Variants in TTLL7 observed in about 807,000 individuals in gnomAD.
TTLL7 encodes the protein tubulin polyglutamylase TTLL7.
A neutral mutation model predicts 120.2 loss-of-function variants in TTLL7; 53 were observed. The ratio of observed to expected loss-of-function variants is 0.44; its 90% CI spans 0.35 to 0.55. The LOEUF (loss-of-function observed/expected upper bound fraction) is 0.55. Ranked by LOEUF, TTLL7 falls within the 20% of genes least tolerant of loss-of-function variation. The probability of loss-of-function intolerance (pLI) is 0.00; values close to 1 mark genes in which losing one functional copy is unlikely to be tolerated. For missense variants in TTLL7, 803 were observed against 1,054.7 expected, an observed-to-expected ratio of 0.76 and a Z score of 3.31; for synonymous variants, 353 against 351.7, an observed-to-expected ratio of 1.00 and a Z score of -0.04.
intron 9 of TTLL7, among the ~76,000 whole-genome samples, chr1:83,930,165 T>C (rs1659477379): frequency 6.6e-6 from 1 of 152,138 alleles, no homozygotes; most frequent in Non-Finnish European, 1.5e-5. Context: ...CTTAGTGTCG[T>C]GTTAACCGTT....
chr1:83,991,024 G>T (rs1652945987), intron 1 of TTLL7, among the ~76,000 whole-genome samples: 1 of 152,102 alleles, frequency 6.6e-6, no homozygotes, highest in African/African-American at 2.4e-5. Context: ...TAAAAACTAA[G>T]GAAATTCTGA....
At chr1:83,872,559 T>G (rs1653531246) in intron 20 of TTLL7, among the ~76,000 whole-genome samples, 1 of 152,228 alleles carries the variant, frequency 6.6e-6, no homozygotes, top group Non-Finnish European at 1.5e-5. Context: ...ACATTCTGAT[T>G]GTACTGATAA....
At chr1:83,949,626 A>C in intron 4 of TTLL7, 4 of 424,426 alleles carry the variant, frequency 9.4e-6, no homozygotes, top group Non-Finnish European at 1.6e-5. Flanking sequence ...ACGCCCAACC[A>C]GAAGAGGTTT....
intron 6 of TTLL7, among the ~76,000 whole-genome samples, chr1:83,946,672 GA>G (rs1648537092): frequency 6.6e-6 from 1 of 152,060 alleles, no homozygotes; most frequent in Non-Finnish European, 1.5e-5. Flanking sequence ...GCTACATAAA[GA>G]AAAAACTTAT....
rs1287530515 is a variant in TTLL7, at chr1:83,870,014, G to A, written c.2612C>T (p.Pro871Leu). 1.3e-6 allele frequency: 2 copies of A among 1,588,984 alleles called. No individual in the cohort carries two copies. The highest frequency in any genetic ancestry group is 1.7e-6 in the Non-Finnish European group (2 of 1,170,896). Residue 871 changes from proline to leucine, a missense_variant, in exon 21 of 21, where the codon CCT (proline) becomes CTT (leucine). Physicochemically the swap from Pro to Leu is moderately conservative, Grantham distance 98 (BLOSUM62 -3). Transcript: ENST00000260505. Reference sequence around the variant, plus strand: ...CAAAACATTGGAGCGAGTCATTCCAGGTGAATTGTACTTCAAGTTGTAGGT... The same window carrying A: ...CAAAACATTGGAGCGAGTCATTCCAAGTGAATTGTACTTCAAGTTGTAGGT... ...TPTYNLKYNS[P>L]GMTRSNVLFT...
chr1:83,976,972 T>C (rs1001875683), intron 1 of TTLL7, among the ~76,000 whole-genome samples: 2 of 152,046 alleles, frequency 1.3e-5, no homozygotes, highest in African/African-American at 4.8e-5. Flanking sequence ...CCTATGTTCG[T>C]CTATATTAAG....
rs533960935 is a variant in TTLL7, at chr1:83,903,316, ATT to A, written c.2208+761_2208+762del. ...CTAATTTCTACCTCAGCATCTCTGT[ATT>A]TGTTCTTCCCTCTGCCTGAAACATT... On this transcript the variant is annotated intron_variant, in intron 18 of 20. Transcript: ENST00000260505. Among the ~76,000 whole-genome samples, 454 of 152,078 alleles carry A rather than the reference ATT, an allele frequency of 3.0e-3. 2 individuals carry two copies. The highest frequency in any genetic ancestry group is 5.1e-3 in the Non-Finnish European group (349 of 67,952).
At chr1:83,934,786 T>A (rs1233679628) in intron 8 of TTLL7, among the ~76,000 whole-genome samples, 1 of 152,144 alleles carries the variant, frequency 6.6e-6, no homozygotes, top group Non-Finnish European at 1.5e-5. Context: ...TTGTAACTTG[T>A]TAGCTGTGCA....
chr1:83,885,032 T>C (rs1434902738), intron 19 of TTLL7: 1 of 270,548 alleles, frequency 3.7e-6, no homozygotes, highest in Non-Finnish European at 5.7e-6. Context: ...ACATACGTGT[T>C]TATCAAGATT....
chr1:83,952,717 A>G (rs1453102578), intron 1 of TTLL7, among the ~76,000 whole-genome samples: 1 of 152,234 alleles, frequency 6.6e-6, no homozygotes, highest in Non-Finnish European at 1.5e-5. Flanking sequence ...ATATTATACC[A>G]TTTAATCTTT....
intron 16 of TTLL7, 35 bp from the exon 17 acceptor site, chr1:83,906,498 GTC>G: frequency 1.9e-6 from 3 of 1,609,844 alleles, no homozygotes; most frequent in Non-Finnish European, 2.5e-6. Flanking sequence ...TTTGGAGGGG[GTC>G]TTATTTCATT....
At position 83,907,528 on chromosome 1, in the gene TTLL7, G is replaced by A. The variant is rs199922709; in HGVS notation, c.1920C>T (p.Ser640=). The change falls in exon 16 of 21, where the codon TCC becomes TCT. Residue 640 remains serine (S), a synonymous_variant. Transcript: ENST00000260505. ...TCATGTAGGAGGAAGCACGGTTTAA[G>A]GAATGTGACCGAGATGCAGAAGTTG... ...SRPTSASRSH[S]LNRASSYMRH... is the part of the protein sequence containing the mutation. 6.2e-7 allele frequency: 1 copy of A among 1,613,280 alleles called. No individual in the cohort carries two copies. The highest frequency in any genetic ancestry group is 1.3e-5 in the African/African-American group (1 of 74,974).
At chr1:83,950,689 C>T (rs184620534) in intron 3 of TTLL7, among the ~76,000 whole-genome samples, 6 of 152,252 alleles carry the variant, frequency 3.9e-5, no homozygotes, top group African/African-American at 1.2e-4. Flanking sequence ...CAGAAGACTT[C>T]AGGTAATTTT....
chr1:83,950,786 T>C (rs747036780), intron 3 of TTLL7, among the ~76,000 whole-genome samples: 2 of 152,068 alleles, frequency 1.3e-5, no homozygotes, highest in East Asian at 3.9e-4. Context: ...AAAGGAATAT[T>C]CCTCTCTCAT....
intron 10 of TTLL7, among the ~76,000 whole-genome samples, chr1:83,922,126 T>A (rs113545614): frequency 6.6e-6 from 1 of 152,038 alleles, no homozygotes; most frequent in Admixed American, 6.6e-5. Flanking sequence ...CATACCATCA[T>A]TGAAAGACCT....
chr1:83,884,501 A>ATCAATGAATGACAGGTTT (rs1553127591), intron 19 of TTLL7, among the ~76,000 whole-genome samples: 3 of 151,868 alleles, frequency 2.0e-5, no homozygotes, highest in Non-Finnish European at 1.5e-5. Flanking sequence ...ACAGCATGCC[A>ATCAATGAATGACAGGTTT]TCAATGAATG....
At chr1:83,995,719 C>T (rs1469437175) in intron 1 of TTLL7, among the ~76,000 whole-genome samples, 2 of 152,110 alleles carry the variant, frequency 1.3e-5, no homozygotes. Flanking sequence ...TTCAAGACCT[C>T]ATACCCTTTA....
At chr1:83,975,845 TTC>T (rs1651420763) in intron 1 of TTLL7, among the ~76,000 whole-genome samples, 1 of 152,244 alleles carries the variant, frequency 6.6e-6, no homozygotes, top group South Asian at 2.1e-4. Flanking sequence ...AGATTTTTGT[TTC>T]TGTTTCATAT....
chr1:83,914,823 T>C, intron 14 of TTLL7, among the ~76,000 whole-genome samples: 1 of 152,200 alleles, frequency 6.6e-6, no homozygotes, highest in Non-Finnish European at 1.5e-5. Flanking sequence ...GCTCTTCTAC[T>C]AGCCAATGAG....
Sources: gnomAD v4.1 joint callset for allele counts (sites outside exome capture counted in the v4.1 genomes callset) on GRCh38, gnomAD v4.1.1 for gene constraint, MANE v1.5 for transcripts, NCBI Gene and HGNC (gene_info 2026-07-23, HGNC 2026-07-21) for gene names.